DNM3: variants seen among roughly 807,000 people sequenced by gnomAD.
DNM3 encodes dynamin-3.
A neutral mutation model predicts 101.6 loss-of-function variants in DNM3; 47 were observed. The observed-to-expected ratio is 0.46, with a 90% confidence interval of 0.37 to 0.59. The LOEUF is 0.59. Among genes scored for constraint, DNM3 ranks in the 20% least tolerant of loss-of-function variants. DNM3 has a pLI of 0.00. For missense variants in DNM3, 849 were observed against 1,085.7 expected (o/e 0.78, Z 3.06); for synonymous variants, 385 against 387.9 (o/e 0.99, Z 0.09).
At chr1:172,027,836 A>G (rs992661520) in intron 4 of DNM3, among the ~76,000 whole-genome samples, 15 of 152,208 alleles carry the variant, frequency 9.9e-5, no homozygotes, top group Admixed American at 3.3e-4. Flanking sequence ...AGGGCATTAC[A>G]TAATGGTAAA....
intron 1 of DNM3, among the ~76,000 whole-genome samples, chr1:171,851,229 G>T (rs2032917717): frequency 6.6e-6 from 1 of 152,136 alleles, no homozygotes; most frequent in Non-Finnish European, 1.5e-5. Context: ...TCAACTATTT[G>T]CAGCTTCCAC....
intron 2 of DNM3, among the ~76,000 whole-genome samples, chr1:171,964,681 A>C (rs1219204345): frequency 6.6e-6 from 1 of 152,224 alleles, no homozygotes; most frequent in Admixed American, 6.5e-5. Context: ...TGGCAACTTT[A>C]GTGAGAATAC....
At chr1:172,089,961 A>T (rs1216082636) in intron 12 of DNM3, among the ~76,000 whole-genome samples, 1 of 152,206 alleles carries the variant, frequency 6.6e-6, no homozygotes, top group Non-Finnish European at 1.5e-5. Flanking sequence ...CACATTTTAT[A>T]GCTGAGCGAC....
chr1:171,884,027 C>T (rs952227926), intron 1 of DNM3, among the ~76,000 whole-genome samples: 2 of 152,168 alleles, frequency 1.3e-5, no homozygotes, highest in Non-Finnish European at 2.9e-5. Flanking sequence ...TGGGAGATCA[C>T]AGGGAGCTGA....
chr1:172,135,212 C>T (rs2148110535), intron 14 of DNM3, among the ~76,000 whole-genome samples: 1 of 152,238 alleles, frequency 6.6e-6, no homozygotes, highest in South Asian at 2.1e-4. Context: ...CTAAGAGTTG[C>T]AGCAAACTGT....
Position 172,193,725 on chromosome 1 carries a change from G to C in DNM3, c.1660-59848G>C, listed in dbSNP as rs1056601960. On this transcript the variant is annotated intron_variant, in intron 14 of 20. Transcript: ENST00000627582. ...GGTGATATCCCCTTTATCATTTTTT[G>C]TTGCATCTATTTGATTCTTCTCTCT... 4.0e-5 allele frequency among the ~76,000 whole-genome samples: 6 copies of C among 151,804 alleles called. No homozygotes were observed. The South Asian group carries it at 6.2e-4, about 16-fold the overall frequency.
chr1:172,258,658 G>C (rs938168126), intron 15 of DNM3, among the ~76,000 whole-genome samples: 2 of 151,720 alleles, frequency 1.3e-5, no homozygotes, highest in African/African-American at 4.8e-5. Context: ...TTAGTCTTAC[G>C]ATTGTCTTAT....
chr1:172,227,648 T>C (rs2061184368), intron 14 of DNM3, among the ~76,000 whole-genome samples: 1 of 152,170 alleles, frequency 6.6e-6, no homozygotes, highest in Non-Finnish European at 1.5e-5. Flanking sequence ...TGGTATCTCA[T>C]TGTGGTTTTA....
At chr1:171,888,318 A>C (rs545974139) in intron 1 of DNM3, among the ~76,000 whole-genome samples, 19 of 152,302 alleles carry the variant, frequency 1.2e-4, no homozygotes, top group African/African-American at 4.3e-4. Context: ...ATTCATTCTC[A>C]CTTAGAGTAG....
intron 1 of DNM3, among the ~76,000 whole-genome samples, chr1:171,908,724 C>A (rs1181344509): frequency 2.0e-5 from 3 of 152,128 alleles, no homozygotes; most frequent in Non-Finnish European, 4.4e-5. Context: ...ATCTTAATTT[C>A]TTCGCACTGA....
chr1:172,369,845 A>G (rs114374714), intron 17 of DNM3, among the ~76,000 whole-genome samples: 1 of 152,074 alleles, frequency 6.6e-6, no homozygotes, highest in Non-Finnish European at 1.5e-5. Flanking sequence ...ATTTTTCACA[A>G]TTCTAGAAGG....
intron 14 of DNM3, among the ~76,000 whole-genome samples, chr1:172,163,917 A>G (rs1379868738): frequency 4.6e-5 from 7 of 151,562 alleles, no homozygotes; most frequent in Non-Finnish European, 5.9e-5. Context: ...GTATATATGT[A>G]TATATGCATG....
chr1:172,199,983 G>T (rs898063549), intron 14 of DNM3, among the ~76,000 whole-genome samples: 2 of 152,006 alleles, frequency 1.3e-5, no homozygotes, highest in African/African-American at 4.8e-5. Context: ...GCTTGTTTGT[G>T]TGGTTGCTTT....
chr1:172,303,411 G>T (rs1322510404), intron 15 of DNM3, among the ~76,000 whole-genome samples: 1 of 152,194 alleles, frequency 6.6e-6, no homozygotes, highest in Non-Finnish European at 1.5e-5. Context: ...TTTGATTGGT[G>T]TGCCTGAAAG....
At chr1:172,153,998 T>C (rs1254356988) in intron 14 of DNM3, among the ~76,000 whole-genome samples, 1 of 151,804 alleles carries the variant, frequency 6.6e-6, no homozygotes, top group Non-Finnish European at 1.5e-5. Context: ...GACCTTATCG[T>C]CTGTTCCATT....
intron 9 of DNM3, among the ~76,000 whole-genome samples, chr1:172,047,246 G>A (rs1468828619): frequency 6.6e-6 from 1 of 152,146 alleles, no homozygotes; most frequent in East Asian, 1.9e-4. Context: ...CTATGAGCAA[G>A]GGAGGGAGAC....
chr1:172,407,929 G>A lies in DNM3; in HGVS notation c.*88G>A, dbSNP rs1180279719. ...CCGTTGCAGTAAATCATGAGTAGTC[G>A]CATGTGTGGACATCAGTAGGCAAGT... is the stretch of plus-strand genomic sequence containing the variant. On this transcript the variant is annotated 3_prime_UTR_variant, in exon 21 of 21. Transcript: ENST00000627582. The A allele has an allele frequency of 2.9e-5, 47 of 1,600,890 alleles. No individual in the cohort carries two copies. In the East Asian group the frequency reaches 9.0e-4, roughly 31 times the overall value.
chr1:172,202,809 G>C (rs982027170), intron 14 of DNM3, among the ~76,000 whole-genome samples: 6 of 152,156 alleles, frequency 3.9e-5, no homozygotes, highest in Admixed American at 1.3e-4. Flanking sequence ...GTTTGTTTCT[G>C]TGTAGCATTT....
chr1:172,165,299 C>T (rs534120250), intron 14 of DNM3, among the ~76,000 whole-genome samples: 2 of 151,318 alleles, frequency 1.3e-5, no homozygotes, highest in African/African-American at 2.5e-5. Flanking sequence ...AAATGACAAT[C>T]TCTTTCAGGG....
Sources: gnomAD v4.1 joint callset for allele counts (sites outside exome capture counted in the v4.1 genomes callset) on GRCh38, gnomAD v4.1.1 for gene constraint, MANE v1.5 for transcripts, NCBI Gene and HGNC (gene_info 2026-07-23, HGNC 2026-07-21) for gene names.